Variants in GOLGA7B observed in about 807,000 individuals in gnomAD.
The protein encoded by GOLGA7B is golgin A7 family member B.
GOLGA7B carries 17 observed loss-of-function variants against 21.5 expected under a neutral mutation model. The observed-to-expected ratio is 0.79, with a 90% CI of 0.54 to 1.19. GOLGA7B has a LOEUF of 1.19. Among genes scored for constraint, GOLGA7B ranks in the 50% most tolerant of loss-of-function variants. The pLI, the probability that GOLGA7B is intolerant of heterozygous loss-of-function variation, is 0.00. For synonymous variants in GOLGA7B, 87 were observed against 84.0 expected, an observed-to-expected ratio of 1.04 and a Z score of -0.19; for missense variants, 169 against 224.4, an observed-to-expected ratio of 0.75 and a Z score of 1.58.
intron 1 of GOLGA7B, among the ~76,000 whole-genome samples, chr10:97,851,070 A>C (rs2049902772): frequency 6.6e-6 from 1 of 151,870 alleles, no homozygotes; most frequent in Non-Finnish European, 1.5e-5. Flanking sequence ...TTCCCCCCTC[A>C]TTTCAGGAGG....
rs938990713 is a variant in GOLGA7B at position 97,869,020 on chromosome 10, T to C, written c.*3320T>C. ...CTGAGGCTCATGGACGTTAAGTAAC[T>C]GGGAAATTGCAGATCTTGGCTTTGA... On this transcript the variant is annotated 3_prime_UTR_variant, in exon 5 of 5. Coordinates refer to ENST00000370602, the MANE Select transcript of GOLGA7B (RefSeq NM_001010917.3). 1 of 152,218 alleles carries C rather than the reference T, an allele frequency of 6.6e-6. No homozygotes were observed. The allele number at this position is 152,218 out of a possible 1,614,324, so 9.4% of individuals were successfully genotyped here.
rs777292975 is a variant in GOLGA7B, at chr10:97,865,598, C to A, written c.402C>A (p.Ile134=). ...PVERGMRVIE[I]SIYEDRCSSG... The stretch of plus-strand genomic sequence containing the variant: ...TTAACCACCGACCCCAGATTGAGAT[C>A]TCCATCTACGAGGACCGGTGCAGCA... Residue 134 remains isoleucine, a synonymous_variant, in exon 5 of 5, where the codon ATC becomes ATA. Coordinates refer to ENST00000370602, the MANE Select transcript of GOLGA7B (RefSeq NM_001010917.3). 12 of 1,613,354 alleles carry A rather than the reference C, an allele frequency of 7.4e-6. No individual in the cohort carries two copies. Among genetic ancestry groups the A allele is most frequent in the Non-Finnish European group, 9.3e-6 (11 of 1,179,494 alleles).
chr10:97,852,695 A>C (rs571025762), intron 1 of GOLGA7B, among the ~76,000 whole-genome samples: 3 of 137,896 alleles, frequency 2.2e-5, no homozygotes, highest in Non-Finnish European at 4.6e-5. Flanking sequence ...AGAAGGAGAG[A>C]GGGAGAGGAA....
rs553624929 is a variant in GOLGA7B at position 97,869,444 on chromosome 10, C to G, written c.*3744C>G. 6.5e-6 allele frequency: 1 copy of G among 152,678 alleles called. No homozygotes were observed. Among genetic ancestry groups the G allele is most frequent in the Non-Finnish European group, 1.5e-5 (1 of 68,396 alleles). The allele number at this position is 152,678 out of a possible 1,614,324, so 9.5% of individuals were successfully genotyped here. The stretch of plus-strand genomic sequence containing the variant: ...GCCCCATCAAGACCCAGGAGCAGCT[C>G]CAGCCTCAGCCAGACTGTCCCCGAG... On this transcript the variant is annotated 3_prime_UTR_variant, in exon 5 of 5. Transcript: ENST00000370602.
chr10:97,862,117 G>C (rs2049975095), intron 2 of GOLGA7B, among the ~76,000 whole-genome samples: 3 of 152,210 alleles, frequency 2.0e-5, no homozygotes, highest in African/African-American at 7.2e-5. Flanking sequence ...CGGCTGTCTG[G>C]TGTTACACAG....
At chr10:97,853,282 A>G (rs1360028134) in intron 1 of GOLGA7B, among the ~76,000 whole-genome samples, 1 of 151,908 alleles carries the variant, frequency 6.6e-6, no homozygotes, top group Non-Finnish European at 1.5e-5. Context: ...CATCAGCGGA[A>G]CCTCCTAATT....
chr10:97,861,100 A>G (rs1485691941), intron 2 of GOLGA7B, among the ~76,000 whole-genome samples: 1 of 152,210 alleles, frequency 6.6e-6, no homozygotes, highest in Non-Finnish European at 1.5e-5. Context: ...CCCTCCCTGG[A>G]TCTGCTGAAT....
Position 97,864,009 on chromosome 10 carries a change from C to G in GOLGA7B, c.218C>G (p.Ser73Cys). 1 of 1,614,228 alleles carries G rather than the reference C, an allele frequency of 6.2e-7. No individual in the cohort carries two copies. ...YAEAEKIGGS[S>C]YLEGCLACAT... ...GAGGCTGAGAAGATTGGGGGCAGCT[C>G]CTACCTCGAGGGCTGCCTGGCCTGC... is the stretch of plus-strand genomic sequence containing the variant. The change falls in exon 3 of 5, where the codon TCC (serine) becomes TGC (cysteine). Residue 73 changes from serine (S) to cysteine (C), a missense_variant. Coordinates refer to ENST00000370602, the MANE Select transcript of GOLGA7B (RefSeq NM_001010917.3).
At chr10:97,856,209 A>AT (rs1590159401) in intron 1 of GOLGA7B, among the ~76,000 whole-genome samples, 1 of 151,988 alleles carries the variant, frequency 6.6e-6, no homozygotes, top group East Asian at 1.9e-4. Flanking sequence ...CCGATGGGTA[A>AT]TTTTTTAACC....
chr10:97,855,607 G>A (rs908886426), intron 1 of GOLGA7B, among the ~76,000 whole-genome samples: 1 of 152,188 alleles, frequency 6.6e-6, no homozygotes, highest in African/African-American at 2.4e-5. Flanking sequence ...GAGCCTTCTA[G>A]GGGTAGGGGA....
In GOLGA7B at chr10:97,868,800, G is replaced by C. The variant is rs1404205103; in HGVS notation, c.*3100G>C. On this transcript the variant is annotated 3_prime_UTR_variant, in exon 5 of 5. Coordinates refer to ENST00000370602, the MANE Select transcript of GOLGA7B (RefSeq NM_001010917.3). Reference sequence around the variant, plus strand: ...TTACTAAACGGGTAAAACCAAATCTGGGTGCTTATCTGACTGAGAGGCATT... The same window carrying C: ...TTACTAAACGGGTAAAACCAAATCTCGGTGCTTATCTGACTGAGAGGCATT... 6.6e-6 allele frequency: 1 copy of C among 152,146 alleles called. No individual in the cohort carries two copies. The highest frequency in any genetic ancestry group is 1.5e-5 in the Non-Finnish European group (1 of 68,024). The allele number at this position is 152,146 out of a possible 1,614,324, so 9.4% of individuals were successfully genotyped here. A position where few individuals can be genotyped will look rare whatever the true frequency, so the allele number is the denominator to read the frequency against.
chr10:97,856,380 C>T (rs2049935341), intron 1 of GOLGA7B, among the ~76,000 whole-genome samples: 2 of 152,196 alleles, frequency 1.3e-5, no homozygotes, highest in Non-Finnish European at 2.9e-5. Context: ...TGGCCTCCAG[C>T]TCCACTCATG....
At position 97,871,177 on chromosome 10, in the gene GOLGA7B, A is replaced by G. The variant is rs2050089173; in HGVS notation, c.*5477A>G. 6.6e-6 allele frequency: 1 copy of G among 152,168 alleles called. No individual in the cohort carries two copies. The highest frequency in any genetic ancestry group is 6.5e-5 in the Admixed American group (1 of 15,274). 9.4% of individuals were successfully genotyped at this position (152,168 alleles called of 1,614,324 possible). On this transcript the variant is annotated 3_prime_UTR_variant, in exon 5 of 5. Coordinates refer to ENST00000370602, the MANE Select transcript of GOLGA7B (RefSeq NM_001010917.3). ...CACCAAGCTCACAACTCTTCCTCCA[A>G]GAGGATGTTCAAAGGGCCTGTCATT...
chr10:97,850,408 TGG>T, intron 1 of GOLGA7B, 93 bp downstream of exon 1: 1 of 864,640 alleles, frequency 1.2e-6, no homozygotes, highest in Non-Finnish European at 1.7e-6. Context: ...AGGCGGGAGT[TGG>T]GGGTGGGATG....
chr10:97,861,386 A>G (rs1042104611), intron 2 of GOLGA7B, among the ~76,000 whole-genome samples: 2 of 152,290 alleles, frequency 1.3e-5, no homozygotes, highest in Non-Finnish European at 2.9e-5. Flanking sequence ...AAGCTTAGAG[A>G]CTCAAAGGAA....
intron 2 of GOLGA7B, among the ~76,000 whole-genome samples, chr10:97,860,864 A>G (rs767460583): frequency 3.3e-5 from 5 of 152,130 alleles, no homozygotes; most frequent in African/African-American, 4.8e-5. Flanking sequence ...AGGGCAGGGC[A>G]GTGGTGATCT....
rs2050010753 is a variant in GOLGA7B at position 97,865,585 on chromosome 10, C to A, written c.394-5C>A. ...CTCGCAGCTCTCCTTAACCACCGACCCCAGATTGAGATCTCCATCTACGAG... is the reference window on the plus strand; with the variant it reads ...CTCGCAGCTCTCCTTAACCACCGACACCAGATTGAGATCTCCATCTACGAG... On this transcript the variant is annotated splice_polypyrimidine_tract_variant and splice_region_variant and intron_variant, in intron 4 of 4. Transcript: ENST00000370602. 6.2e-7 allele frequency: 1 copy of A among 1,613,188 alleles called. No homozygotes were observed. Among genetic ancestry groups the A allele is most frequent in the Non-Finnish European group, 8.5e-7 (1 of 1,179,248 alleles).
At chr10:97,859,375 C>A (rs2049956305) in intron 1 of GOLGA7B, 83 bp from the exon 2 acceptor site, 3 of 1,409,390 alleles carry the variant, frequency 2.1e-6, no homozygotes, top group Non-Finnish European at 2.0e-6. Context: ...GCTGGAAGAC[C>A]TGCATTCTGG....
intron 1 of GOLGA7B, 101 bp from the exon 2 acceptor site, chr10:97,859,357 G>C: frequency 8.3e-7 from 1 of 1,202,154 alleles, no homozygotes; most frequent in Non-Finnish European, 1.2e-6. Context: ...AACTTTCCTG[G>C]TGTTAGTGCT....
Sources: gnomAD v4.1 joint callset for allele counts (sites outside exome capture counted in the v4.1 genomes callset) on GRCh38, gnomAD v4.1.1 for gene constraint, MANE v1.5 for transcripts, NCBI Gene and HGNC (gene_info 2026-07-23, HGNC 2026-07-21) for gene names.